ZNF462: variants seen among roughly 807,000 people sequenced by gnomAD.
ZNF462 encodes the protein zinc finger protein 462, also known as zinc finger PBX1-interacting protein.
In ZNF462, 10 loss-of-function variants were observed where a neutral mutation model predicts 201.9. That is an observed-to-expected ratio of 0.05 (90% confidence interval 0.03 to 0.08). ZNF462 has a LOEUF of 0.08. Among genes scored for constraint, ZNF462 ranks in the 10% least tolerant of loss-of-function variants. The probability of loss-of-function intolerance (pLI) is 1.00; values close to 1 mark genes in which losing one functional copy is unlikely to be tolerated. For missense variants in ZNF462, 2,523 were observed against 3,168.3 expected (o/e 0.80, Z 4.89); for synonymous variants, 1,227 against 1,193.3 (o/e 1.03, Z -0.58).
chr9:106,920,693 G>A lies in ZNF462; in HGVS notation c.-30-2661G>A, dbSNP rs1471374940. 2.0e-5 allele frequency among the ~76,000 whole-genome samples: 3 copies of A among 152,128 alleles called. No individual in the cohort carries two copies. Among genetic ancestry groups the A allele is most frequent in the Non-Finnish European group, 4.4e-5 (3 of 68,016 alleles). On this transcript the variant is annotated intron_variant, in intron 1 of 12. Coordinates refer to ENST00000277225, the MANE Select transcript of ZNF462 (RefSeq NM_021224.6). The surrounding 1 kb of genome is among the most constrained non-coding windows in gnomAD (Gnocchi z 4.3). ...CAGAACAAGGAGATTGTTAGTTTAT[G>A]TTTGTGTCCAGTGAAGTTAGCATCC...
chr9:106,880,726 C>A lies in ZNF462; in HGVS notation c.-31+17371C>A, dbSNP rs578201219. Among the ~76,000 whole-genome samples the A allele has an allele frequency of 6.6e-6, 1 of 152,158 alleles. No homozygotes were observed. The highest frequency in any genetic ancestry group is 2.4e-5 in the African/African-American group (1 of 41,418). ...TTAAATGTGTTTGTAGTCAGAACTT[C>A]AGTATAAGGGAAAAGTAAAACATTT... On this transcript the variant is annotated intron_variant, in intron 1 of 12. Coordinates refer to ENST00000277225, the MANE Select transcript of ZNF462 (RefSeq NM_021224.6). The surrounding 1 kb of genome is among the most constrained non-coding windows in gnomAD (Gnocchi z 4.1).
rs867333576 is a variant in ZNF462, at chr9:107,012,549, A to G, written c.*1519A>G. The G allele has an allele frequency of 2.7e-5, 4 of 149,236 alleles. No homozygotes were observed. Among genetic ancestry groups the G allele is most frequent in the Non-Finnish European group, 5.9e-5 (4 of 67,628 alleles). 9.2% of individuals were successfully genotyped at this position (149,236 alleles called of 1,614,324 possible). A position where few individuals can be genotyped will look rare whatever the true frequency, so the allele number is the denominator to read the frequency against. The stretch of plus-strand genomic sequence containing the variant: ...GACTAAATCTAAGCCTACATTTATA[A>G]TATGTTCTGATTGTGAACAAAGGGT... On this transcript the variant is annotated 3_prime_UTR_variant, in exon 13 of 13. Coordinates refer to ENST00000277225, the MANE Select transcript of ZNF462 (RefSeq NM_021224.6).
intron 10 of ZNF462, among the ~76,000 whole-genome samples, chr9:107,002,473 A>T (rs1829263840): frequency 6.6e-6 from 1 of 152,238 alleles, no homozygotes; most frequent in South Asian, 2.1e-4. Context: ...TGATGAAGGT[A>T]AATTTTGTGC....
At position 106,930,698 on chromosome 9, in the gene ZNF462, T is replaced by C. The variant is rs778214201; in HGVS notation, c.6012+9T>C. ...TGTCAGCTGCTGTGAAGGTGAGAAC[T>C]GGAAGGTCTGGATGAGCATTGTGTG... On this transcript the variant is annotated intron_variant, in intron 4 of 12. Transcript: ENST00000277225. This position sits in a 1 kb window ranked among gnomAD's most constrained non-coding sequence, Gnocchi z 5.8. 2 of 1,613,866 alleles carry C rather than the reference T, an allele frequency of 1.2e-6. No homozygotes were observed. Among genetic ancestry groups the C allele is most frequent in the South Asian group, 1.1e-5 (1 of 91,062 alleles).
chr9:107,010,983 A>G lies in ZNF462; in HGVS notation c.7474A>G (p.Thr2492Ala). 6.2e-7 allele frequency: 1 copy of G among 1,613,760 alleles called. No homozygotes were observed. Among genetic ancestry groups the G allele is most frequent in the Non-Finnish European group, 8.5e-7 (1 of 1,179,896 alleles). Reference protein sequence around the residue: ...KNETVAICVVTADKSLLENAE... With the variant: ...KNETVAICVVAADKSLLENAE... ...TGAAACAGTAGCCATCTGTGTAGTA[A>G]CTGCCGACAAATCTCTCCTGGAGAA... Residue 2492 changes from threonine (T) to alanine (A), a missense_variant, in exon 13 of 13, where the codon ACT becomes GCT. Around this residue, in one of 15 missense-constraint regions of ZNF462, gnomAD observed 67 missense variants for 63.2 expected, o/e 1.06. Coordinates refer to ENST00000277225, the MANE Select transcript of ZNF462 (RefSeq NM_021224.6). This position sits in a 1 kb window ranked among gnomAD's most constrained non-coding sequence, Gnocchi z 4.6.
chr9:106,903,935 T>A (rs1165312347), intron 1 of ZNF462, among the ~76,000 whole-genome samples: 1 of 152,224 alleles, frequency 6.6e-6, no homozygotes, highest in African/African-American at 2.4e-5. Context: ...AGTATTGAAA[T>A]GTGAGGTACC....
chr9:106,912,900 C>T (rs1239998388), intron 1 of ZNF462, among the ~76,000 whole-genome samples: 1 of 152,180 alleles, frequency 6.6e-6, no homozygotes, highest in Non-Finnish European at 1.5e-5. Flanking sequence ...TACACTCCCT[C>T]CACTGAAAAT....
intron 1 of ZNF462, among the ~76,000 whole-genome samples, chr9:106,918,994 T>C (rs567091687): frequency 6.6e-6 from 1 of 152,290 alleles, no homozygotes; most frequent in Non-Finnish European, 1.5e-5. Flanking sequence ...CCTTATGGTG[T>C]TTCTGGTTCT....
Position 107,009,497 on chromosome 9 carries a change from T to C in ZNF462, c.7190-48T>C, listed in dbSNP as rs1181856697. ...CTAATGAATGCTGACTTACCTATTCTGCTGATTCCCACAGCACACAGGTAA... is the reference window on the plus strand; with the variant it reads ...CTAATGAATGCTGACTTACCTATTCCGCTGATTCCCACAGCACACAGGTAA... On this transcript the variant is annotated intron_variant, in intron 11 of 12. Transcript: ENST00000277225. The surrounding 1 kb of genome is among the most constrained non-coding windows in gnomAD (Gnocchi z 6.1). The C allele has an allele frequency of 3.7e-6, 6 of 1,610,974 alleles. No homozygotes were observed. Among genetic ancestry groups the C allele is most frequent in the Non-Finnish European group, 5.1e-6 (6 of 1,177,866 alleles).
chr9:106,896,983 G>A (rs984870568), intron 1 of ZNF462, among the ~76,000 whole-genome samples: 1 of 152,130 alleles, frequency 6.6e-6, no homozygotes, highest in Non-Finnish European at 1.5e-5. Context: ...AACCATTCAT[G>A]AACCTGGGGA....
rs1828172262 is a variant in ZNF462 at position 106,883,073 on chromosome 9, C to T, written c.-31+19718C>T. On this transcript the variant is annotated intron_variant, in intron 1 of 12. Transcript: ENST00000277225. This position sits in a 1 kb window ranked among gnomAD's most constrained non-coding sequence, Gnocchi z 4.9. The stretch of plus-strand genomic sequence containing the variant: ...AACATTTCAATGGAATGATTTAGAT[C>T]ATTGAAAGTCTACTATGTGCAGAAG... Among the ~76,000 whole-genome samples, 1 of 152,158 alleles carries T rather than the reference C, an allele frequency of 6.6e-6. No homozygotes were observed. The highest frequency in any genetic ancestry group is 6.5e-5 in the Admixed American group (1 of 15,274).
At chr9:106,949,115 T>A (rs1831232622) in intron 7 of ZNF462, among the ~76,000 whole-genome samples, 1 of 152,176 alleles carries the variant, frequency 6.6e-6, no homozygotes, top group Non-Finnish European at 1.5e-5. Flanking sequence ...GAAATAAGAC[T>A]TTGTGAAAGG....
intron 10 of ZNF462, among the ~76,000 whole-genome samples, chr9:106,987,619 T>G (rs1827952517): frequency 1.3e-5 from 2 of 152,186 alleles, no homozygotes; most frequent in African/African-American, 4.8e-5. Flanking sequence ...GGTTGTCTGT[T>G]TACTCTGCTA....
chr9:106,959,188 C>T (rs984980840), intron 7 of ZNF462, among the ~76,000 whole-genome samples: 6 of 152,076 alleles, frequency 3.9e-5, no homozygotes, highest in Non-Finnish European at 8.8e-5. Context: ...CAGCCATCTC[C>T]CCCTACAAAA....
chr9:106,898,629 T>A (rs1211784301), intron 1 of ZNF462, among the ~76,000 whole-genome samples: 1 of 152,056 alleles, frequency 6.6e-6, no homozygotes, highest in Non-Finnish European at 1.5e-5. Flanking sequence ...AACCCTCCTG[T>A]AAGTTGAGAT....
rs1234626753 is a variant in ZNF462, at chr9:106,885,127, G to T, written c.-31+21772G>T. On this transcript the variant is annotated intron_variant, in intron 1 of 12. Transcript: ENST00000277225. The surrounding 1 kb of genome is among the most constrained non-coding windows in gnomAD (Gnocchi z 4.1). ...CCCTGTTGCAAAATTTGGCAGGTCAGACACTTCAGCTTCCCAAGAAAATGC... is the reference window on the plus strand; with the variant it reads ...CCCTGTTGCAAAATTTGGCAGGTCATACACTTCAGCTTCCCAAGAAAATGC... Among the ~76,000 whole-genome samples, 1 of 152,156 alleles carries T rather than the reference G, an allele frequency of 6.6e-6. No homozygotes were observed. The highest frequency in any genetic ancestry group is 2.4e-5 in the African/African-American group (1 of 41,436).
chr9:106,931,307 A>G (rs1027476396), intron 4 of ZNF462, among the ~76,000 whole-genome samples: 2 of 152,210 alleles, frequency 1.3e-5, no homozygotes, highest in African/African-American at 2.4e-5. Flanking sequence ...TGTTTTGAAC[A>G]TCATAATCCT....
Position 106,928,716 on chromosome 9 carries a change from C to G in ZNF462, c.4804C>G (p.Gln1602Glu), listed in dbSNP as rs1830303520. The change falls in exon 3 of 13, where the codon CAG (glutamine) becomes GAG (glutamate). Residue 1602 changes from glutamine (Q) to glutamate (E), a missense_variant. Transcript: ENST00000277225. This position sits in a 1 kb window ranked among gnomAD's most constrained non-coding sequence, Gnocchi z 9.3. Reference sequence around the variant, plus strand: ...AATCCACTACGAGAAGTATCACAATCAGCCTGAATTTGATGTCTTTTCCCA... The same window carrying G: ...AATCCACTACGAGAAGTATCACAATGAGCCTGAATTTGATGTCTTTTCCCA... ...LKIHYEKYHNQPEFDVFSQSP... is the reference protein window; with the variant it reads ...LKIHYEKYHNEPEFDVFSQSP... 2 of 1,614,028 alleles carry G rather than the reference C, an allele frequency of 1.2e-6. No individual in the cohort carries two copies. The highest frequency in any genetic ancestry group is 1.7e-6 in the Non-Finnish European group (2 of 1,180,038).
In ZNF462 at chr9:106,923,540, A is replaced by G; in HGVS notation, c.157A>G (p.Asn53Asp). The G allele has an allele frequency of 6.2e-7, 1 of 1,614,238 alleles. No homozygotes were observed. The highest frequency in any genetic ancestry group is 8.5e-7 in the Non-Finnish European group (1 of 1,180,044). ...ELRCGSVNAS[N>D]QTEVEFSSIK... ...ACGATGTGGGTCCGTGAATGCCAGT[A>G]ATCAGACAGAGGTGGAGTTTTCTTC... Residue 53 changes from asparagine to aspartate, a missense_variant, in exon 2 of 13, where the codon AAT becomes GAT. This residue lies in a region of ZNF462 where 480 missense variants were observed against 544.4 expected (regional missense o/e 0.88). Transcript: ENST00000277225. The surrounding 1 kb of genome is among the most constrained non-coding windows in gnomAD (Gnocchi z 5.6).
Sources: allele counts gnomAD v4.1 joint callset (sites outside exome capture counted in the v4.1 genomes callset), GRCh38; gene constraint gnomAD v4.1.1; regional missense constraint gnomAD v4.1.1; non-coding constraint Gnocchi (gnomAD v3.1); transcripts MANE v1.5; gene names NCBI Gene and HGNC (gene_info 2026-07-23, HGNC 2026-07-21).